GRID2: variants seen among roughly 807,000 people sequenced by gnomAD.
GRID2 encodes the protein glutamate receptor ionotropic, delta-2.
Under a neutral mutation model 114.8 loss-of-function variants are expected in GRID2, and 33 were observed. The ratio of observed to expected loss-of-function variants is 0.29; its 90% CI spans 0.22 to 0.38. The LOEUF is 0.38. GRID2 is among the 10% of genes least tolerant of loss of function. The pLI is 1.00. For missense variants in GRID2, 1,184 were observed against 1,257.7 expected (o/e 0.94, Z 0.89); for synonymous variants, 505 against 449.9 (o/e 1.12, Z -1.55).
intron 8 of GRID2, among the ~76,000 whole-genome samples, chr4:93,327,745 T>A (rs1579692488): frequency 7.0e-6 from 1 of 141,882 alleles, no homozygotes; most frequent in Admixed American, 7.1e-5. Context: ...AGGGTGGGGG[T>A]CAAGTGGGGG....
At chr4:93,154,969 T>C (rs887440279) in intron 4 of GRID2, among the ~76,000 whole-genome samples, 1 of 151,850 alleles carries the variant, frequency 6.6e-6, no homozygotes, top group Non-Finnish European at 1.5e-5. Flanking sequence ...AAACTCTCAG[T>C]TCAGTATTTT....
chr4:93,597,382 T>C (rs1739213112), intron 13 of GRID2, among the ~76,000 whole-genome samples: 2 of 152,216 alleles, frequency 1.3e-5, no homozygotes, highest in Non-Finnish European at 2.9e-5. Context: ...CGAAACATCA[T>C]GATGAATGTT....
chr4:93,014,851 C>T (rs957372844), intron 2 of GRID2, among the ~76,000 whole-genome samples: 6 of 152,040 alleles, frequency 3.9e-5, no homozygotes, highest in South Asian at 2.1e-4. Flanking sequence ...AAGAACTGTA[C>T]GTTGCTCAAG....
Position 92,759,788 on chromosome 4 carries a change from C to T in GRID2, c.244+169502C>T, listed in dbSNP as rs112716262. Among the ~76,000 whole-genome samples, 401 of 138,590 alleles carry T rather than the reference C, an allele frequency of 2.9e-3. 1 individual carries two copies. The highest frequency in any genetic ancestry group is 0.011 in the African/African-American group (382 of 35,998). The allele number at this position is 138,590 out of a possible 152,430, so 90.9% of individuals were successfully genotyped here. A position where few individuals can be genotyped will look rare whatever the true frequency, so the allele number is the denominator to read the frequency against. On this transcript the variant is annotated intron_variant, in intron 2 of 15. Coordinates refer to ENST00000282020, the MANE Select transcript of GRID2 (RefSeq NM_001510.4). Reference sequence around the variant, plus strand: ...CGGGCTTTTTTTTCTTCTTCTTCTTCTTTTTTTTTTTTGTATTTAGTAGAG... The same window carrying T: ...CGGGCTTTTTTTTCTTCTTCTTCTTTTTTTTTTTTTTTGTATTTAGTAGAG...
intron 4 of GRID2, among the ~76,000 whole-genome samples, chr4:93,199,736 C>A (rs1741875101): frequency 6.6e-6 from 1 of 152,166 alleles, no homozygotes; most frequent in African/African-American, 2.4e-5. Context: ...TTCAGAATAT[C>A]CCCATGCTGC....
intron 2 of GRID2, among the ~76,000 whole-genome samples, chr4:92,729,049 G>A (rs1386291510): frequency 6.6e-6 from 1 of 151,990 alleles, no homozygotes; most frequent in Non-Finnish European, 1.5e-5. Flanking sequence ...TGATTGTTGG[G>A]GGGTTTTCTT....
rs1028295095 is a variant in GRID2 at position 93,656,714 on chromosome 4, C to T, written c.2360+30279C>T. Among the ~76,000 whole-genome samples, 7 of 137,612 alleles carry T rather than the reference C, an allele frequency of 5.1e-5. 1 individual carries two copies. In the South Asian group the frequency reaches 1.7e-3, roughly 33 times the overall value. The allele number at this position is 137,612 out of a possible 152,430, so 90.3% of individuals were successfully genotyped here. Reference sequence around the variant, plus strand: ...GCATGGTGGCGGGCACCTGTAGTCCCAGCTACTCGGGAGGCTGAGGCAGGA... The same window carrying T: ...GCATGGTGGCGGGCACCTGTAGTCCTAGCTACTCGGGAGGCTGAGGCAGGA... On this transcript the variant is annotated intron_variant, in intron 14 of 15. Transcript: ENST00000282020.
At position 93,573,918 on chromosome 4, in the gene GRID2, G is replaced by C. The variant is rs114697519; in HGVS notation, c.2194-52351G>C. On this transcript the variant is annotated intron_variant, in intron 13 of 15. Coordinates refer to ENST00000282020, the MANE Select transcript of GRID2 (RefSeq NM_001510.4). Reference sequence around the variant, plus strand: ...TTATTAGCTAAACTTAGATTCCTGAGACTTAGTTTATTTGTAAAACAGGAA... The same window carrying C: ...TTATTAGCTAAACTTAGATTCCTGACACTTAGTTTATTTGTAAAACAGGAA... Among the ~76,000 whole-genome samples, 234 of 152,136 alleles carry C rather than the reference G, an allele frequency of 1.5e-3. 1 individual carries two copies. Among genetic ancestry groups the C allele is most frequent in the African/African-American group, 5.4e-3 (224 of 41,490 alleles).
At chr4:93,113,681 CA>C (rs1732982050) in intron 4 of GRID2, among the ~76,000 whole-genome samples, 1 of 152,130 alleles carries the variant, frequency 6.6e-6, no homozygotes, top group Non-Finnish European at 1.5e-5. Flanking sequence ...AATGGCAGAA[CA>C]CATACATCTA....
intron 13 of GRID2, among the ~76,000 whole-genome samples, chr4:93,569,148 CT>C (rs1735707609): frequency 6.6e-6 from 1 of 152,286 alleles, no homozygotes; most frequent in South Asian, 2.1e-4. Flanking sequence ...TGAGGCATCA[CT>C]TATCCAGAGT....
intron 1 of GRID2, among the ~76,000 whole-genome samples, chr4:92,521,056 C>T (rs915366749): frequency 3.7e-4 from 56 of 151,936 alleles, no homozygotes; most frequent in African/African-American, 1.3e-3. Context: ...GTTTTCAGAA[C>T]ATTATATAAT....
At chr4:92,715,715 C>G (rs779346202) in intron 2 of GRID2, among the ~76,000 whole-genome samples, 2 of 152,022 alleles carry the variant, frequency 1.3e-5, no homozygotes, top group African/African-American at 4.8e-5. Context: ...TTCACTATCA[C>G]AAGAATAGCA....
chr4:93,322,856 G>A (rs1045046552), intron 8 of GRID2, among the ~76,000 whole-genome samples: 1 of 152,136 alleles, frequency 6.6e-6, no homozygotes, highest in Non-Finnish European at 1.5e-5. Flanking sequence ...TTTGAGAAGT[G>A]TCTGTTCATA....
intron 4 of GRID2, among the ~76,000 whole-genome samples, chr4:93,122,524 G>T (rs1233699718): frequency 6.6e-6 from 1 of 152,038 alleles, no homozygotes; most frequent in East Asian, 1.9e-4. Context: ...ATTGAAATAA[G>T]AATCTTCCTG....
At chr4:93,780,750 G>A (rs1394422770) in intron 1 of GRID2, among the ~76,000 whole-genome samples, 1 of 152,178 alleles carries the variant, frequency 6.6e-6, no homozygotes, top group Non-Finnish European at 1.5e-5. Context: ...TGGAAAGTGT[G>A]AAAACCTCCG....
At chr4:92,848,785 C>G (rs905216406) in intron 2 of GRID2, among the ~76,000 whole-genome samples, 1 of 151,778 alleles carries the variant, frequency 6.6e-6, no homozygotes, top group African/African-American at 2.4e-5. Flanking sequence ...TAAGGTAGGC[C>G]TAATCTAATC....
chr4:93,546,499 T>C (rs1316493523), intron 13 of GRID2, among the ~76,000 whole-genome samples: 1 of 152,170 alleles, frequency 6.6e-6, no homozygotes, highest in Non-Finnish European at 1.5e-5. Flanking sequence ...GTATGTTGCA[T>C]ATTTCATTTC....
chr4:92,627,188 ACGTATGGAATGG>A (rs1730567390), intron 2 of GRID2, among the ~76,000 whole-genome samples: 1 of 152,102 alleles, frequency 6.6e-6, no homozygotes, highest in South Asian at 2.1e-4. Flanking sequence ...TCTATAGTAT[ACGTATGGAATGG>A]GCAACAAACA....
intron 1 of GRID2, among the ~76,000 whole-genome samples, chr4:92,478,188 T>A (rs989821699): frequency 5.3e-5 from 8 of 152,072 alleles, no homozygotes; most frequent in Non-Finnish European, 7.4e-5. Flanking sequence ...TTTCCTCTAG[T>A]GCTCTCCCTC....
Sources: allele counts gnomAD v4.1 joint callset (sites outside exome capture counted in the v4.1 genomes callset), GRCh38; gene constraint gnomAD v4.1.1; transcripts MANE v1.5; gene names NCBI Gene and HGNC (gene_info 2026-07-23, HGNC 2026-07-21).